USP10: variants seen among roughly 807,000 people sequenced by gnomAD.
USP10 encodes ubiquitin specific peptidase 10.
In USP10, 22 loss-of-function variants were observed where a neutral mutation model predicts 84.5. The observed-to-expected ratio is 0.26, with a 90% CI of 0.19 to 0.37. The LOEUF is 0.37. USP10 is among the 10% of genes least tolerant of loss of function. USP10 has a pLI of 1.00. For missense variants in USP10, 1,019 were observed against 998.9 expected, an observed-to-expected ratio of 1.02 and a Z score of -0.27; for synonymous variants, 454 against 387.6, an observed-to-expected ratio of 1.17 and a Z score of -2.01.
chr16:84,765,168 T>G (rs1260126627), intron 10 of USP10, among the ~76,000 whole-genome samples: 1 of 152,004 alleles, frequency 6.6e-6, no homozygotes, highest in Non-Finnish European at 1.5e-5. Context: ...TGTGTATATT[T>G]AAAGTATACA....
chr16:84,731,282 A>G (rs907007526), intron 1 of USP10, among the ~76,000 whole-genome samples: 5 of 146,278 alleles, frequency 3.4e-5, no homozygotes, highest in Admixed American at 2.0e-4. Flanking sequence ...CCCGGCCTCT[A>G]CTTTTTTTTT....
intron 1 of USP10, among the ~76,000 whole-genome samples, chr16:84,710,436 A>T (rs2150760720): frequency 6.6e-6 from 1 of 152,184 alleles, no homozygotes; most frequent in Non-Finnish European, 1.5e-5. Flanking sequence ...GAGGGGAAAG[A>T]AGTAGGGCAT....
intron 1 of USP10, chr16:84,704,946 TA>T (rs1295702334): frequency 6.6e-7 from 1 of 1,526,028 alleles, no homozygotes; most frequent in Non-Finnish European, 8.8e-7. Context: ...TGAGAATTGT[TA>T]GGAGAATGTG....
intron 4 of USP10, among the ~76,000 whole-genome samples, chr16:84,756,570 G>A (rs1305934522): frequency 6.6e-6 from 1 of 152,194 alleles, no homozygotes; most frequent in African/African-American, 2.4e-5. Flanking sequence ...TCCAGCCTGG[G>A]TGACAGAGCA....
At chr16:84,750,314 A>G (rs1911768576) in intron 4 of USP10, among the ~76,000 whole-genome samples, 1 of 151,356 alleles carries the variant, frequency 6.6e-6, no homozygotes, top group African/African-American at 2.4e-5. Context: ...AGGCTGTGTC[A>G]GGAGAATAGC....
intron 1 of USP10, among the ~76,000 whole-genome samples, chr16:84,732,827 C>T (rs1203539036): frequency 2.6e-5 from 4 of 152,186 alleles, no homozygotes; most frequent in Non-Finnish European, 5.9e-5. Context: ...GCAGTTTAAC[C>T]ACTTCGTTTT....
chr16:84,736,307 T>G lies in USP10; in HGVS notation c.90+2804T>G, dbSNP rs146366801. Among the ~76,000 whole-genome samples, 1,381 of 152,272 alleles carry G rather than the reference T, an allele frequency of 9.1e-3. 14 individuals carry two copies. The highest frequency in any genetic ancestry group is 0.016 in the Non-Finnish European group (1,072 of 68,014). ...GGGCCATGAATTGAAAAACCAAAAT[T>G]AAGAAATGTGGGATGTTAAGATGAA... On this transcript the variant is annotated intron_variant, in intron 2 of 13. Transcript: ENST00000219473.
chr16:84,708,067 G>A (rs919016719), intron 1 of USP10, among the ~76,000 whole-genome samples: 1 of 152,086 alleles, frequency 6.6e-6, no homozygotes, highest in African/African-American at 2.4e-5. Flanking sequence ...GACAGAGCGA[G>A]ACTCTTACGT....
chr16:84,754,473 G>A (rs1338538416), intron 4 of USP10, among the ~76,000 whole-genome samples: 2 of 152,240 alleles, frequency 1.3e-5, no homozygotes, highest in Non-Finnish European at 2.9e-5. Flanking sequence ...CCTAGTACAC[G>A]TCCCAAGGGC....
chr16:84,724,026 C>T (rs1437810901), intron 1 of USP10, among the ~76,000 whole-genome samples: 3 of 152,196 alleles, frequency 2.0e-5, no homozygotes. Context: ...GAATCTTGAA[C>T]TTCTACTAGG....
At chr16:84,704,922 C>T (rs571740137) in intron 1 of USP10, 2 of 1,534,664 alleles carry the variant, frequency 1.3e-6, no homozygotes, top group African/African-American at 1.4e-5. Context: ...TCGACTTTCC[C>T]TTTTGGGCTC....
At chr16:84,719,849 G>C (rs539197820) in intron 1 of USP10, among the ~76,000 whole-genome samples, 1 of 152,246 alleles carries the variant, frequency 6.6e-6, no homozygotes, top group South Asian at 2.1e-4. Flanking sequence ...TGGAGGGCAT[G>C]TTTCGACAGA....
intron 8 of USP10, 97 bp downstream of exon 8, chr16:84,760,372 C>T (rs904216945): frequency 3.7e-6 from 4 of 1,070,630 alleles, no homozygotes; most frequent in Non-Finnish European, 5.5e-6. Context: ...CCTCTGTCTC[C>T]AGCGCTATAA....
chr16:84,763,636 T>C lies in USP10; in HGVS notation c.1655-450T>C, dbSNP rs1913467768. On this transcript the variant is annotated intron_variant, in intron 9 of 13. Coordinates refer to ENST00000219473, the MANE Select transcript of USP10 (RefSeq NM_005153.3). ...CAAATTTCGCCAGTTGTCCCAGGGATGTCATTTCTAGGAGTTTATGTAAAC... is the reference window on the plus strand; with the variant it reads ...CAAATTTCGCCAGTTGTCCCAGGGACGTCATTTCTAGGAGTTTATGTAAAC... 2.0e-5 allele frequency among the ~76,000 whole-genome samples: 3 copies of C among 152,234 alleles called. No individual in the cohort carries two copies. In the South Asian group the frequency reaches 6.2e-4, roughly 32 times the overall value.
intron 10 of USP10, among the ~76,000 whole-genome samples, chr16:84,766,252 A>G (rs1913848838): frequency 6.6e-6 from 1 of 152,248 alleles, no homozygotes; most frequent in Non-Finnish European, 1.5e-5. Flanking sequence ...TTGAGCAGCC[A>G]TGTGACCTTG....
chr16:84,703,608 C>A (rs917282274), intron 1 of USP10, among the ~76,000 whole-genome samples: 1 of 152,176 alleles, frequency 6.6e-6, no homozygotes, highest in African/African-American at 2.4e-5. Flanking sequence ...GAAGTAAATA[C>A]AATTGTTTGA....
At chr16:84,769,982 G>A (rs1385249423) in intron 11 of USP10, among the ~76,000 whole-genome samples, 1 of 152,118 alleles carries the variant, frequency 6.6e-6, no homozygotes, top group Non-Finnish European at 1.5e-5. Flanking sequence ...GGTGGCTCAC[G>A]CCCTTAGTCC....
chr16:84,740,466 A>G (rs913324724), intron 3 of USP10, 97 bp downstream of exon 3: 7 of 1,017,992 alleles, frequency 6.9e-6, no homozygotes, highest in Non-Finnish European at 1.0e-5. Flanking sequence ...TTGAATAAAC[A>G]TTTCTTTGTA....
Position 84,775,609 on chromosome 16 carries a change from G to A in USP10, c.2209+384G>A, listed in dbSNP as rs144114901. Among the ~76,000 whole-genome samples, 393 of 152,254 alleles carry A rather than the reference G, an allele frequency of 2.6e-3. 2 individuals are homozygous for A. The highest frequency in any genetic ancestry group is 0.01 in the Middle Eastern group (3 of 294). ...TCACCCAGCCAGGTTGGGTGAGCGC[G>A]CCCCCAGCCGGTGATCCCTGCGTCC... On this transcript the variant is annotated intron_variant, in intron 13 of 13. Coordinates refer to ENST00000219473, the MANE Select transcript of USP10 (RefSeq NM_005153.3).
Sources: gnomAD v4.1 joint callset for allele counts (sites outside exome capture counted in the v4.1 genomes callset) on GRCh38, gnomAD v4.1.1 for gene constraint, MANE v1.5 for transcripts, NCBI Gene and HGNC (gene_info 2026-07-23, HGNC 2026-07-21) for gene names.